Variants in ZBTB20 observed in about 807,000 individuals in gnomAD.
ZBTB20 encodes zinc finger and BTB domain containing 20, also known as zinc finger and BTB domain-containing protein 20.
In ZBTB20, 9 loss-of-function variants were observed where a neutral mutation model predicts 56.9. That is an observed-to-expected ratio of 0.16 (90% CI 0.10 to 0.28). The LOEUF (loss-of-function observed/expected upper bound fraction) is 0.28. Among genes scored for constraint, ZBTB20 ranks in the 10% least tolerant of loss-of-function variants. The probability of loss-of-function intolerance (pLI) is 1.00; values close to 1 mark genes in which losing one functional copy is unlikely to be tolerated. For missense variants in ZBTB20, 655 were observed against 1,003.0 expected, an observed-to-expected ratio of 0.65 and a Z score of 4.69; for synonymous variants, 417 against 420.7, an observed-to-expected ratio of 0.99 and a Z score of 0.11.
intron 10 of ZBTB20, among the ~76,000 whole-genome samples, chr3:114,360,349 T>C (rs973702841): frequency 2.0e-5 from 3 of 149,316 alleles, no homozygotes; most frequent in African/African-American, 7.3e-5. Context: ...ATTTTCTTTT[T>C]TTTTTTTTTT....
chr3:114,405,323 A>G (rs1484535545), intron 7 of ZBTB20, among the ~76,000 whole-genome samples: 1 of 152,192 alleles, frequency 6.6e-6, no homozygotes, highest in Non-Finnish European at 1.5e-5. Context: ...ACATTTTAGT[A>G]GAGAGAACAT....
At chr3:114,889,073 G>A (rs1279866539) in intron 4 of ZBTB20, among the ~76,000 whole-genome samples, 1 of 151,818 alleles carries the variant, frequency 6.6e-6, no homozygotes, top group African/African-American at 2.4e-5. Context: ...AATAGCTTAA[G>A]AAATATATTT....
At chr3:114,906,606 T>A (rs928614515) in intron 3 of ZBTB20, among the ~76,000 whole-genome samples, 3 of 151,316 alleles carry the variant, frequency 2.0e-5, no homozygotes, top group South Asian at 4.1e-4. Flanking sequence ...GTTTTTATGA[T>A]GACTTAATGA....
intron 1 of ZBTB20, among the ~76,000 whole-genome samples, chr3:115,118,788 T>C (rs917271261): frequency 1.5e-5 from 2 of 137,670 alleles, no homozygotes; most frequent in Non-Finnish European, 1.5e-5. Flanking sequence ...TGGCGCGATC[T>C]CCACTCACTG....
intron 4 of ZBTB20, among the ~76,000 whole-genome samples, chr3:114,828,017 T>C (rs908568590): frequency 1.3e-5 from 2 of 151,636 alleles, no homozygotes; most frequent in African/African-American, 4.8e-5. Flanking sequence ...TCCTAATACA[T>C]CAAAGTAAGA....
chr3:114,683,193 A>C (rs2062089523), intron 6 of ZBTB20, among the ~76,000 whole-genome samples: 2 of 152,136 alleles, frequency 1.3e-5, no homozygotes, highest in African/African-American at 4.8e-5. Context: ...ATTTTGGTTA[A>C]AAAGGAGTAG....
intron 6 of ZBTB20, among the ~76,000 whole-genome samples, chr3:114,684,879 A>C (rs1001443836): frequency 6.6e-6 from 1 of 152,166 alleles, no homozygotes; most frequent in Admixed American, 6.6e-5. Flanking sequence ...GCCTTTAAAA[A>C]AAAGTCTGAA....
At chr3:114,714,499 T>C (rs1488950900) in intron 5 of ZBTB20, among the ~76,000 whole-genome samples, 1 of 151,920 alleles carries the variant, frequency 6.6e-6, no homozygotes, top group Non-Finnish European at 1.5e-5. Context: ...CTTCCTGCTC[T>C]ATTCGCTTCC....
rs201713840 is a variant in ZBTB20 at position 114,341,167 on chromosome 3, AC to A, written c.1805-1742del. Among the ~76,000 whole-genome samples the A allele has an allele frequency of 5.5e-3, 837 of 152,336 alleles. 3 individuals are homozygous for A. The highest frequency in any genetic ancestry group is 0.02 in the Middle Eastern group (6 of 294). On this transcript the variant is annotated intron_variant, in intron 11 of 11. Coordinates refer to ENST00000675478, the MANE Select transcript of ZBTB20 (RefSeq NM_001348800.3). ...GATCACATGGTTAGAAGATAATTTT[AC>A]TTTTAGATTAAAACAGGAAAGGTTA...
At chr3:115,105,591 T>A (rs942769130) in intron 1 of ZBTB20, among the ~76,000 whole-genome samples, 6 of 152,126 alleles carry the variant, frequency 3.9e-5, no homozygotes, top group Admixed American at 1.3e-4. Flanking sequence ...TACCCATAGC[T>A]CTCAATACGT....
At chr3:114,512,650 T>G (rs1440771942) in intron 6 of ZBTB20, among the ~76,000 whole-genome samples, 1 of 152,172 alleles carries the variant, frequency 6.6e-6, no homozygotes, top group Admixed American at 6.6e-5. Flanking sequence ...GAGAAACCCC[T>G]TCTCCACTCC....
intron 3 of ZBTB20, among the ~76,000 whole-genome samples, chr3:114,952,196 A>G (rs2077090549): frequency 6.6e-6 from 1 of 152,098 alleles, no homozygotes; most frequent in East Asian, 1.9e-4. Flanking sequence ...AACAGTGTTG[A>G]GTATCAGGAC....
rs1277740782 is a variant in ZBTB20, at chr3:114,748,380, T to TCTCTC, written c.-343+52720_-343+52721insGAGAG. On this transcript the variant is annotated intron_variant, in intron 5 of 11. Coordinates refer to ENST00000675478, the MANE Select transcript of ZBTB20 (RefSeq NM_001348800.3). Reference sequence around the variant, plus strand: ...TCTCTCTCTCTCTCTCTCTCTCTCTTTCTTTCTTTTGGCTTTGTTGTAGCT... The same window carrying TCTCTC: ...TCTCTCTCTCTCTCTCTCTCTCTCTTCTCTCTCTTTCTTTTGGCTTTGTTGTAGCT... Among the ~76,000 whole-genome samples, 243 of 35,978 alleles carry TCTCTC rather than the reference T, an allele frequency of 6.8e-3. 10 individuals are homozygous for TCTCTC. The highest frequency in any genetic ancestry group is 9.3e-3 in the African/African-American group (183 of 19,608). 23.6% of individuals were successfully genotyped at this position (35,978 alleles called of 152,430 possible).
chr3:115,056,216 T>A (rs1033853877), intron 2 of ZBTB20, among the ~76,000 whole-genome samples: 1 of 152,072 alleles, frequency 6.6e-6, no homozygotes, highest in Non-Finnish European at 1.5e-5. Flanking sequence ...AAATGACTAG[T>A]AAACATATAA....
chr3:114,818,754 T>A (rs2073083794), intron 4 of ZBTB20, among the ~76,000 whole-genome samples: 1 of 151,830 alleles, frequency 6.6e-6, no homozygotes, highest in Non-Finnish European at 1.5e-5. Context: ...AAACTAGAGA[T>A]AATACCACAT....
intron 4 of ZBTB20, among the ~76,000 whole-genome samples, chr3:114,809,145 T>A (rs2072333872): frequency 6.6e-6 from 1 of 152,044 alleles, no homozygotes. Flanking sequence ...CTATAATGTG[T>A]CTATGTACAG....
chr3:114,494,308 C>T (rs1203162352), intron 7 of ZBTB20, among the ~76,000 whole-genome samples: 2 of 152,110 alleles, frequency 1.3e-5, no homozygotes, highest in Non-Finnish European at 2.9e-5. Flanking sequence ...TGAAAAGGGG[C>T]CCTTAGTTTA....
intron 4 of ZBTB20, among the ~76,000 whole-genome samples, chr3:114,850,294 T>C (rs935981281): frequency 6.6e-6 from 1 of 152,162 alleles, no homozygotes; most frequent in South Asian, 2.1e-4. Context: ...CAGGTTCACA[T>C]GGAAAAAGTT....
intron 6 of ZBTB20, among the ~76,000 whole-genome samples, chr3:114,570,044 G>C (rs778656534): frequency 7.6e-6 from 1 of 131,918 alleles, no homozygotes; most frequent in Non-Finnish European, 1.7e-5. Flanking sequence ...ATTCAATTAC[G>C]CACTTCAATA....
Sources: gnomAD v4.1 joint callset for allele counts (sites outside exome capture counted in the v4.1 genomes callset) on GRCh38, gnomAD v4.1.1 for gene constraint, MANE v1.5 for transcripts, NCBI Gene and HGNC (gene_info 2026-07-23, HGNC 2026-07-21) for gene names.